Variants in NEDD4 observed in about 807,000 individuals in gnomAD.
NEDD4 encodes the protein NEDD4 E3 ubiquitin protein ligase, also known as E3 ubiquitin-protein ligase NEDD4.
In NEDD4, 99 loss-of-function variants were observed where a neutral mutation model predicts 144.9. That is an observed-to-expected ratio of 0.68 (90% CI 0.58 to 0.81). The LOEUF is 0.81. Ranked by LOEUF, NEDD4 falls within the 30% of genes least tolerant of loss-of-function variation. NEDD4 has a pLI of 0.00. For synonymous variants in NEDD4, 318 were observed against 350.6 expected (o/e 0.91, Z 1.04); for missense variants, 985 against 1,065.9 (o/e 0.92, Z 1.06).
Position 55,852,404 on chromosome 15 carries a change from G to A in NEDD4, c.1146+20C>T, listed in dbSNP as rs758563504. 1 of 1,597,866 alleles carries A rather than the reference G, an allele frequency of 6.3e-7. No individual in the cohort carries two copies. Among genetic ancestry groups the A allele is most frequent in the Non-Finnish European group, 8.5e-7 (1 of 1,170,988 alleles). On this transcript the variant is annotated intron_variant, in intron 13 of 28. Coordinates refer to ENST00000435532, the MANE Select transcript of NEDD4 (RefSeq NM_006154.4). ...CAGTTTAAATCCTGTAAGAAAGCAA[G>A]TTGATAGATTACAGGATACCTGTAC... is the stretch of plus-strand genomic sequence containing the variant.
chr15:55,873,895 T>A (rs1045415121), intron 6 of NEDD4, 63 bp downstream of exon 6: 2 of 740,204 alleles, frequency 2.7e-6, no homozygotes, highest in Admixed American at 2.8e-5. Flanking sequence ...ATATTATATA[T>A]GTAAGTATTT....
intron 4 of NEDD4, among the ~76,000 whole-genome samples, chr15:55,926,891 C>G (rs1447671809): frequency 2.0e-4 from 31 of 151,994 alleles, no homozygotes; most frequent in Non-Finnish European, 8.8e-5. Flanking sequence ...GCCTGGCCAA[C>G]AGGGTGAAAC....
At position 55,827,314 on chromosome 15, in the gene NEDD4, A is replaced by AT. The variant is rs573962813; in HGVS notation, c.*2582dup. ...TACTGACTGTCCCGCAGTAGAATGC[A>AT]TTTGAGACACTTTTCTATCTGGGAT... On this transcript the variant is annotated 3_prime_UTR_variant, in exon 29 of 29. Coordinates refer to ENST00000435532, the MANE Select transcript of NEDD4 (RefSeq NM_006154.4). 3 of 152,320 alleles carry AT rather than the reference A, an allele frequency of 2.0e-5. No individual in the cohort carries two copies. Among genetic ancestry groups the AT allele is most frequent in the African/African-American group, 7.2e-5 (3 of 41,556 alleles). 9.4% of individuals were successfully genotyped at this position (152,320 alleles called of 1,614,324 possible).
intron 14 of NEDD4, among the ~76,000 whole-genome samples, chr15:55,849,224 ATTTC>A (rs1198133934): frequency 3.9e-5 from 6 of 152,074 alleles, no homozygotes; most frequent in African/African-American, 1.2e-4. Context: ...ACCACATGAT[ATTTC>A]TTTCTTTTTT....
intron 1 of NEDD4, among the ~76,000 whole-genome samples, chr15:55,985,753 GTACACA>G (rs1222380499): frequency 1.2e-4 from 14 of 119,508 alleles, no homozygotes; most frequent in Admixed American, 1.0e-3. Context: ...TGTGTGTAGA[GTACACA>G]TACACACACA....
At chr15:55,891,468 T>C (rs2035569708) in intron 5 of NEDD4, among the ~76,000 whole-genome samples, 1 of 152,248 alleles carries the variant, frequency 6.6e-6, no homozygotes, top group Non-Finnish European at 1.5e-5. Flanking sequence ...TCATTAATAT[T>C]TCCCTAGCCA....
chr15:55,949,780 G>A (rs1034817219), intron 4 of NEDD4, among the ~76,000 whole-genome samples: 4 of 151,818 alleles, frequency 2.6e-5, no homozygotes, highest in East Asian at 1.9e-4. Context: ...GAAGGGGTAC[G>A]TCACACACTG....
intron 4 of NEDD4, among the ~76,000 whole-genome samples, chr15:55,928,912 T>C (rs55999037): frequency 0.079 from 11,998 of 152,278 alleles, 579 homozygotes; most frequent in Middle Eastern, 0.16. Context: ...AGAATACTAA[T>C]TAAAAATTAA....
At chr15:55,847,133 G>A (rs2033783734) in intron 17 of NEDD4, 99 bp from the exon 18 acceptor site, 5 of 603,580 alleles carry the variant, frequency 8.3e-6, no homozygotes, top group South Asian at 2.8e-5. Context: ...GGCATTAAAA[G>A]AAAAATATTT....
intron 5 of NEDD4, among the ~76,000 whole-genome samples, chr15:55,896,417 C>T (rs2035740898): frequency 6.6e-6 from 1 of 152,110 alleles, no homozygotes; most frequent in Non-Finnish European, 1.5e-5. Flanking sequence ...CTCCTGGCCT[C>T]AAGGGATGCA....
intron 7 of NEDD4, among the ~76,000 whole-genome samples, chr15:55,871,236 C>T (rs769021326): frequency 1.5e-4 from 23 of 152,266 alleles, no homozygotes; most frequent in Middle Eastern, 3.4e-3. Flanking sequence ...TGTGCTCAGA[C>T]AATGTTTTGT....
At position 55,879,248 on chromosome 15, in the gene NEDD4, G is replaced by A. The variant is rs192750729; in HGVS notation, c.292-5240C>T. 1.1e-4 allele frequency among the ~76,000 whole-genome samples: 16 copies of A among 152,344 alleles called. No individual in the cohort carries two copies. The East Asian group carries it at 3.1e-3, about 29-fold the overall frequency. ...TAGATGACAGCAGAGAGATAAGTGAGAGAATGAGTGAAAGTCCTAATACCA... is the reference window on the plus strand; with the variant it reads ...TAGATGACAGCAGAGAGATAAGTGAAAGAATGAGTGAAAGTCCTAATACCA... On this transcript the variant is annotated intron_variant, in intron 5 of 28. Coordinates refer to ENST00000435532, the MANE Select transcript of NEDD4 (RefSeq NM_006154.4).
Position 55,848,893 on chromosome 15 carries a change from T to C in NEDD4, c.1348-7A>G. 1.9e-6 allele frequency: 3 copies of C among 1,610,876 alleles called. No homozygotes were observed. The highest frequency in any genetic ancestry group is 1.3e-5 in the African/African-American group (1 of 75,002). ...TTTTCAATCTTGGATCTTCCTTTTT[T>C]GGTAGAGTAAATAAAGAACAATACA... On this transcript the variant is annotated splice_polypyrimidine_tract_variant and splice_region_variant and intron_variant, in intron 14 of 28. Transcript: ENST00000435532.
At chr15:55,836,331 G>GACACACACACACACACAC (rs10526731) in intron 24 of NEDD4, among the ~76,000 whole-genome samples, 1 of 147,942 alleles carries the variant, frequency 6.8e-6, no homozygotes, top group African/African-American at 2.5e-5. Flanking sequence ...AAAAGTATGT[G>GACACACACACACACACAC]ACACACACAC....
chr15:55,830,086 T>A (rs2032875216), intron 28 of NEDD4, 87 bp from the exon 29 acceptor site: 4 of 919,712 alleles, frequency 4.3e-6, no homozygotes, highest in Admixed American at 2.4e-5. Context: ...CTATTCTTGA[T>A]GAGAATGTTC....
intron 17 of NEDD4, 44 bp downstream of exon 17, chr15:55,848,328 G>A (rs1019907725): frequency 4.4e-6 from 7 of 1,576,798 alleles, no homozygotes; most frequent in African/African-American, 1.3e-5. Flanking sequence ...GAAGAGACAG[G>A]TGAGCGGACA....
chr15:55,990,675 T>C (rs1217908907), intron 1 of NEDD4, among the ~76,000 whole-genome samples: 1 of 152,186 alleles, frequency 6.6e-6, no homozygotes, highest in Non-Finnish European at 1.5e-5. Context: ...TCCAGTCCAT[T>C]AATTTCAATG....
At chr15:55,964,703 G>C (rs1162145497) in intron 2 of NEDD4, among the ~76,000 whole-genome samples, 3 of 147,454 alleles carry the variant, frequency 2.0e-5, no homozygotes, top group Non-Finnish European at 4.5e-5. Context: ...GTGTGTGTGT[G>C]TGTGTGTGTG....
chr15:55,876,712 C>T (rs2035006931), intron 5 of NEDD4, among the ~76,000 whole-genome samples: 1 of 151,898 alleles, frequency 6.6e-6, no homozygotes, highest in African/African-American at 2.4e-5. Flanking sequence ...CTAAATCCAG[C>T]CATATAAATT....
Sources: gnomAD v4.1 joint callset for allele counts (sites outside exome capture counted in the v4.1 genomes callset) on GRCh38, gnomAD v4.1.1 for gene constraint, MANE v1.5 for transcripts, NCBI Gene and HGNC (gene_info 2026-07-23, HGNC 2026-07-21) for gene names.